The following FGF5 variants were observed in gnomAD, a reference collection of about 807,000 sequenced individuals.
The protein encoded by FGF5 is fibroblast growth factor 5, also known as heparin-binding growth factor 5.
In FGF5, 23 loss-of-function variants were observed where a neutral mutation model predicts 21.8. The observed-to-expected ratio is 1.05, with a 90% CI of 0.76 to 1.49. The LOEUF is 1.49. FGF5 is among the 40% of genes most tolerant of loss of function. The pLI, the probability that FGF5 is intolerant of heterozygous loss-of-function variation, is 0.00. For missense variants in FGF5, 352 were observed against 332.9 expected (o/e 1.06, Z -0.45); for synonymous variants, 158 against 124.0 (o/e 1.27, Z -1.82).
Position 80,286,753 on chromosome 4 carries a change from A to G in FGF5, c.*81A>G. ...GTCTTCAGAGTTCTGAAGAAAAATTACTGGACACAGCTTCAGCTATACTTA... is the reference window on the plus strand; with the variant it reads ...GTCTTCAGAGTTCTGAAGAAAAATTGCTGGACACAGCTTCAGCTATACTTA... On this transcript the variant is annotated 3_prime_UTR_variant, in exon 3 of 3. Transcript: ENST00000312465. 1 of 1,021,054 alleles carries G rather than the reference A, an allele frequency of 9.8e-7. No homozygotes were observed. The highest frequency in any genetic ancestry group is 1.5e-6 in the Non-Finnish European group (1 of 686,742). The allele number at this position is 1,021,054 out of a possible 1,614,324, so 63.2% of individuals were successfully genotyped here.
intron 1 of FGF5, among the ~76,000 whole-genome samples, chr4:80,272,252 A>G (rs1720290424): frequency 2.0e-5 from 3 of 152,204 alleles, no homozygotes; most frequent in Non-Finnish European, 4.4e-5. Context: ...TAATTTTCTT[A>G]AGGTTATAAA....
In FGF5 at chr4:80,286,442, A is replaced by G. The variant is rs1720722995; in HGVS notation, c.577A>G (p.Asn193Asp). The G allele has an allele frequency of 6.2e-7, 1 of 1,613,900 alleles. No homozygotes were observed. Among genetic ancestry groups the G allele is most frequent in the Non-Finnish European group, 8.5e-7 (1 of 1,179,994 alleles). Residue 193 changes from asparagine (N) to aspartate (D), a missense_variant, in exon 3 of 3, where the codon AAT becomes GAT. By Grantham distance (23) the Asn-to-Asp change is conservative (BLOSUM62 1). Transcript: ENST00000312465. The stretch of plus-strand genomic sequence containing the variant: ...AGGGCGGGAGTGGTATGTGGCCCTG[A>G]ATAAAAGAGGAAAAGCCAAACGAGG... ...KTGREWYVAL[N>D]KRGKAKRGCS... is the part of the protein sequence containing the mutation.
chr4:80,268,896 T>A (rs1720192223), intron 1 of FGF5, among the ~76,000 whole-genome samples: 1 of 152,242 alleles, frequency 6.6e-6, no homozygotes. Context: ...TCTGTTGGGG[T>A]GAAATGGAAT....
intron 1 of FGF5, chr4:80,268,121 C>G (rs1289856986): frequency 6.6e-6 from 1 of 152,126 alleles, no homozygotes; most frequent in Non-Finnish European, 1.5e-5. Flanking sequence ...TTTCCTTTCT[C>G]ATCTCCTCTT....
intron 2 of FGF5, among the ~76,000 whole-genome samples, chr4:80,282,045 C>A (rs536156906): frequency 4.6e-4 from 70 of 152,232 alleles, no homozygotes; most frequent in Non-Finnish European, 7.8e-4. Flanking sequence ...TCACTGCAAC[C>A]TCCGCCCCCT....
chr4:80,274,848 A>C, intron 1 of FGF5, 61 bp from the exon 2 acceptor site: 1 of 739,344 alleles, frequency 1.4e-6, no homozygotes, highest in Non-Finnish European at 2.3e-6. Context: ...GTAGAAATTT[A>C]ATTCTTCACA....
chr4:80,277,985 A>G (rs888960194), intron 2 of FGF5, among the ~76,000 whole-genome samples: 4 of 152,136 alleles, frequency 2.6e-5, no homozygotes, highest in African/African-American at 4.8e-5. Context: ...TGAGGTGACG[A>G]AAGAGTCTCA....
At chr4:80,269,286 C>A (rs144954227) in intron 1 of FGF5, among the ~76,000 whole-genome samples, 11 of 152,252 alleles carry the variant, frequency 7.2e-5, no homozygotes, top group African/African-American at 2.6e-4. Flanking sequence ...CAGGTTGGAG[C>A]CCAGGGAGCT....
chr4:80,286,843 G>A lies in FGF5; in HGVS notation c.*171G>A, dbSNP rs1720748924. On this transcript the variant is annotated 3_prime_UTR_variant, in exon 3 of 3. Coordinates refer to ENST00000312465, the MANE Select transcript of FGF5 (RefSeq NM_004464.4). ...AAACAAAATGTTTTTTGATAGGAAG[G>A]AAACTGGAATTCTTTGTACTAATAC... 1.9e-5 allele frequency: 11 copies of A among 594,274 alleles called. No individual in the cohort carries two copies. The highest frequency in any genetic ancestry group is 4.2e-4 in the Middle Eastern group (1 of 2,382). 36.8% of individuals were successfully genotyped at this position (594,274 alleles called of 1,614,324 possible).
At chr4:80,274,026 T>C (rs1427944484) in intron 1 of FGF5, among the ~76,000 whole-genome samples, 5 of 152,150 alleles carry the variant, frequency 3.3e-5, no homozygotes, top group Admixed American at 2.6e-4. Context: ...CATGTTCATA[T>C]AAAATACATA....
In FGF5 at chr4:80,266,748, G is replaced by A; in HGVS notation, c.-77G>A. 3.9e-6 allele frequency: 5 copies of A among 1,277,118 alleles called. No homozygotes were observed. Among genetic ancestry groups the A allele is most frequent in the South Asian group, 1.4e-5 (1 of 70,026 alleles). 79.1% of individuals were successfully genotyped at this position (1,277,118 alleles called of 1,614,324 possible). A position where few individuals can be genotyped will look rare whatever the true frequency, so the allele number is the denominator to read the frequency against. On this transcript the variant is annotated 5_prime_UTR_variant, in exon 1 of 3. Coordinates refer to ENST00000312465, the MANE Select transcript of FGF5 (RefSeq NM_004464.4). ...GTGCGGCGAGGCGGGCAGAGCCAGA[G>A]GCACGCAGCCGCACAGGGGCTACAG...
rs1376042440 is a variant in FGF5 at position 80,289,354 on chromosome 4, T to C, written c.*2682T>C. Reference sequence around the variant, plus strand: ...TACATCAATTAATTAAATGAACTTATGTACAGAAAACATGTATAAATATAA... The same window carrying C: ...TACATCAATTAATTAAATGAACTTACGTACAGAAAACATGTATAAATATAA... On this transcript the variant is annotated 3_prime_UTR_variant, in exon 3 of 3. Coordinates refer to ENST00000312465, the MANE Select transcript of FGF5 (RefSeq NM_004464.4). The C allele has an allele frequency of 6.6e-5, 10 of 152,168 alleles. No individual in the cohort carries two copies. Among genetic ancestry groups the C allele is most frequent in the South Asian group, 4.1e-4 (2 of 4,832 alleles). 9.4% of individuals were successfully genotyped at this position (152,168 alleles called of 1,614,324 possible).
intron 1 of FGF5, among the ~76,000 whole-genome samples, chr4:80,269,362 G>A (rs558492953): frequency 6.6e-6 from 1 of 152,128 alleles, no homozygotes; most frequent in African/African-American, 2.4e-5. Context: ...TCATTCCCAG[G>A]ATATTCACCA....
chr4:80,270,734 G>A (rs1427709725), intron 1 of FGF5, among the ~76,000 whole-genome samples: 2 of 152,188 alleles, frequency 1.3e-5, no homozygotes. Flanking sequence ...TCAAGTAGTT[G>A]TCAGTTTAGG....
intron 2 of FGF5, 53 bp from the exon 3 acceptor site, chr4:80,286,272 C>A: frequency 8.2e-7 from 1 of 1,220,994 alleles, no homozygotes; most frequent in Non-Finnish European, 1.2e-6. Context: ...TGTTTTATTA[C>A]ATGCTGAAAA....
chr4:80,282,830 T>C (rs756173813), intron 2 of FGF5, among the ~76,000 whole-genome samples: 3 of 152,126 alleles, frequency 2.0e-5, no homozygotes, highest in Admixed American at 1.3e-4. Flanking sequence ...TTTAAAAGTG[T>C]ATATTTTATT....
chr4:80,267,026 G>C lies in FGF5; in HGVS notation c.202G>C (p.Gly68Arg), dbSNP rs188430345. The C allele has an allele frequency of 3.2e-5, 51 of 1,614,220 alleles. No individual in the cohort carries two copies. The East Asian group carries it at 1.1e-3, about 34-fold the overall frequency. Residue 68 changes from glycine (G) to arginine (R), a missense_variant, in exon 1 of 3, where the codon GGC becomes CGC. Coordinates refer to ENST00000312465, the MANE Select transcript of FGF5 (RefSeq NM_004464.4). Reference sequence around the variant, plus strand: ...CTCCTCCTCCCCCGCAGCTTCTCTGGGCAGCCAAGGAAGTGGCTTGGAGCA... The same window carrying C: ...CTCCTCCTCCCCCGCAGCTTCTCTGCGCAGCCAAGGAAGTGGCTTGGAGCA... ...SASSSPAASL[G>R]SQGSGLEQSS...
Position 80,288,813 on chromosome 4 carries a change from T to C in FGF5, c.*2141T>C, listed in dbSNP as rs1720815639. ...TTGTAGGCTACATTAAACTCAAATG[T>C]AATAGTTTATCTTATACTCCTGGTT... On this transcript the variant is annotated 3_prime_UTR_variant, in exon 3 of 3. Coordinates refer to ENST00000312465, the MANE Select transcript of FGF5 (RefSeq NM_004464.4). The C allele has an allele frequency of 6.6e-6, 1 of 152,636 alleles. No homozygotes were observed. The highest frequency in any genetic ancestry group is 6.5e-5 in the Admixed American group (1 of 15,276). 9.5% of individuals were successfully genotyped at this position (152,636 alleles called of 1,614,324 possible). A position where few individuals can be genotyped will look rare whatever the true frequency, so the allele number is the denominator to read the frequency against.
chr4:80,273,046 T>C (rs2109919869), intron 1 of FGF5, among the ~76,000 whole-genome samples: 1 of 152,174 alleles, frequency 6.6e-6, no homozygotes, highest in South Asian at 2.1e-4. Context: ...TGTGTTTTGT[T>C]AATATTTGAT....
Sources: gnomAD v4.1 joint callset for allele counts (sites outside exome capture counted in the v4.1 genomes callset) on GRCh38, gnomAD v4.1.1 for gene constraint, MANE v1.5 for transcripts, NCBI Gene and HGNC (gene_info 2026-07-23, HGNC 2026-07-21) for gene names.